The following SCFD2 variants were observed in gnomAD, a reference collection of about 807,000 sequenced individuals.
SCFD2 encodes the protein sec1 family domain containing 2.
Under a neutral mutation model 58.9 loss-of-function variants are expected in SCFD2, and 54 were observed. That is an observed-to-expected ratio of 0.92 (90% confidence interval 0.74 to 1.15). The LOEUF is 1.15. SCFD2 is among the 50% of genes most tolerant of loss of function. The pLI is 0.00. For missense variants in SCFD2, 805 were observed against 836.6 expected (o/e 0.96, Z 0.47); for synonymous variants, 321 against 335.9 (o/e 0.96, Z 0.49).
chr4:52,940,739 A>C (rs1577844233), intron 5 of SCFD2, among the ~76,000 whole-genome samples: 2 of 152,096 alleles, frequency 1.3e-5, no homozygotes, highest in South Asian at 4.2e-4. Context: ...GCGCAAAGGG[A>C]CTTCTTGTTG....
Position 53,030,567 on chromosome 4 carries a change from C to T in SCFD2, c.1562-109697G>A, listed in dbSNP as rs539059040. ...CCTCCCGGGTACCTGCGACTACAGA[C>T]GCATGCCACCATGCCCAACTAATTT... is the stretch of plus-strand genomic sequence containing the variant. On this transcript the variant is annotated intron_variant, in intron 5 of 8. Transcript: ENST00000401642. Among the ~76,000 whole-genome samples, 105 of 152,156 alleles carry T rather than the reference C, an allele frequency of 6.9e-4. 1 individual carries two copies. In the South Asian group the frequency reaches 0.015, roughly 21 times the overall value.
intron 5 of SCFD2, among the ~76,000 whole-genome samples, chr4:53,095,679 C>T (rs1724602154): frequency 6.6e-6 from 1 of 152,094 alleles, no homozygotes; most frequent in Non-Finnish European, 1.5e-5. Context: ...TTAAAATACC[C>T]TAAGACTCTT....
intron 5 of SCFD2, among the ~76,000 whole-genome samples, chr4:52,979,095 A>G (rs1721317037): frequency 6.6e-6 from 1 of 151,914 alleles, no homozygotes; most frequent in Admixed American, 6.6e-5. Flanking sequence ...AGCAAGATAA[A>G]ATAGAAAATA....
Position 53,246,201 on chromosome 4 carries a change from C to T in SCFD2, c.1311+27625G>A, listed in dbSNP as rs576455852. On this transcript the variant is annotated intron_variant, in intron 4 of 8. Coordinates refer to ENST00000401642, the MANE Select transcript of SCFD2 (RefSeq NM_152540.4). Reference sequence around the variant, plus strand: ...CTGCTCAAAAAAATCAGAGATGGCACTACAAAATAAAAAAAATTTCATGCT... The same window carrying T: ...CTGCTCAAAAAAATCAGAGATGGCATTACAAAATAAAAAAAATTTCATGCT... Among the ~76,000 whole-genome samples the T allele has an allele frequency of 2.0e-4, 30 of 152,146 alleles. No individual in the cohort carries two copies. The East Asian group carries it at 5.2e-3, about 26-fold the overall frequency.
intron 5 of SCFD2, among the ~76,000 whole-genome samples, chr4:53,023,724 T>C (rs1193604872): frequency 1.3e-5 from 2 of 152,214 alleles, no homozygotes; most frequent in Non-Finnish European, 2.9e-5. Context: ...GTAGTCTGTT[T>C]CTCTGCAAAC....
At chr4:53,334,341 G>T (rs1416319861) in intron 2 of SCFD2, among the ~76,000 whole-genome samples, 1 of 152,104 alleles carries the variant, frequency 6.6e-6, no homozygotes, top group East Asian at 1.9e-4. Context: ...GCAAAGACTT[G>T]GAACCAACCC....
chr4:52,892,162 A>G (rs1411629866), intron 7 of SCFD2, among the ~76,000 whole-genome samples: 1 of 152,174 alleles, frequency 6.6e-6, no homozygotes, highest in East Asian at 1.9e-4. Flanking sequence ...CAATGTTAAC[A>G]CTGTCCATTC....
At chr4:53,186,203 A>C (rs1727731645) in intron 4 of SCFD2, among the ~76,000 whole-genome samples, 1 of 152,052 alleles carries the variant, frequency 6.6e-6, no homozygotes, top group South Asian at 2.1e-4. Flanking sequence ...CCCACCCTTC[A>C]AGATCTGGTT....
chr4:52,895,792 T>C (rs1185505251), intron 7 of SCFD2, among the ~76,000 whole-genome samples: 1 of 152,222 alleles, frequency 6.6e-6, no homozygotes, highest in Non-Finnish European at 1.5e-5. Flanking sequence ...TGTAAAAGTG[T>C]TCCTATTTCT....
chr4:53,147,312 G>A (rs1726363335), intron 4 of SCFD2, among the ~76,000 whole-genome samples: 1 of 152,190 alleles, frequency 6.6e-6, no homozygotes, highest in Admixed American at 6.5e-5. Flanking sequence ...GTTGCTCAAT[G>A]TTGTTCTGTG....
chr4:53,178,348 C>T (rs898701637), intron 4 of SCFD2, among the ~76,000 whole-genome samples: 17 of 152,148 alleles, frequency 1.1e-4, no homozygotes, highest in East Asian at 1.9e-4. Context: ...CACCAATATC[C>T]GCTGTTCTGC....
rs189200415 is a variant in SCFD2 at position 53,029,940 on chromosome 4, A to G, written c.1562-109070T>C. ...GGCAAAGATTTCTTAGATTTCTTAG[A>G]CATGACACCAAAATCATAATCCCTT... is the stretch of plus-strand genomic sequence containing the variant. On this transcript the variant is annotated intron_variant, in intron 5 of 8. Coordinates refer to ENST00000401642, the MANE Select transcript of SCFD2 (RefSeq NM_152540.4). Among the ~76,000 whole-genome samples, 706 of 152,348 alleles carry G rather than the reference A, an allele frequency of 4.6e-3. 4 individuals are homozygous for G. The highest frequency in any genetic ancestry group is 7.2e-3 in the Non-Finnish European group (492 of 68,024).
At chr4:53,224,482 C>T (rs1455150105) in intron 4 of SCFD2, among the ~76,000 whole-genome samples, 1 of 152,122 alleles carries the variant, frequency 6.6e-6, no homozygotes, top group Admixed American at 6.5e-5. Context: ...GTCTGAATAC[C>T]CTGAGATTGC....
At chr4:52,969,635 C>T (rs2109549859) in intron 5 of SCFD2, among the ~76,000 whole-genome samples, 1 of 152,266 alleles carries the variant, frequency 6.6e-6, no homozygotes, top group Non-Finnish European at 1.5e-5. Context: ...TGCTGTTTCT[C>T]CTTCCTCTGC....
chr4:52,946,168 G>T (rs545262632), intron 5 of SCFD2, among the ~76,000 whole-genome samples: 1 of 152,150 alleles, frequency 6.6e-6, no homozygotes, highest in South Asian at 2.1e-4. Flanking sequence ...TGGTACTAGG[G>T]ATCTGCATTT....
At chr4:52,936,663 G>C (rs952462661) in intron 5 of SCFD2, among the ~76,000 whole-genome samples, 2 of 152,200 alleles carry the variant, frequency 1.3e-5, no homozygotes, top group South Asian at 4.1e-4. Context: ...CTCTAGCTCT[G>C]ACTTATCTGC....
intron 5 of SCFD2, among the ~76,000 whole-genome samples, chr4:52,993,730 A>G (rs1214505600): frequency 6.6e-6 from 1 of 152,248 alleles, no homozygotes. Context: ...CCAAACTCCA[A>G]TGATAAAAAT....
chr4:53,154,154 G>A (rs771030999), intron 4 of SCFD2, among the ~76,000 whole-genome samples: 28 of 151,974 alleles, frequency 1.8e-4, no homozygotes, highest in Middle Eastern at 6.8e-3. Context: ...CCCATTCCTC[G>A]TACCGATTTT....
chr4:53,158,358 T>A (rs923004267), intron 4 of SCFD2, among the ~76,000 whole-genome samples: 11 of 152,244 alleles, frequency 7.2e-5, no homozygotes, highest in Non-Finnish European at 1.0e-4. Flanking sequence ...CCTATTGGAC[T>A]TCTCCACTTG....
Sources: gnomAD v4.1 joint callset for allele counts (sites outside exome capture counted in the v4.1 genomes callset) on GRCh38, gnomAD v4.1.1 for gene constraint, MANE v1.5 for transcripts, NCBI Gene and HGNC (gene_info 2026-07-23, HGNC 2026-07-21) for gene names.